Variants in SYT1 observed in about 807,000 individuals in gnomAD.
The protein encoded by SYT1 is synaptotagmin-1.
A neutral mutation model predicts 44.8 loss-of-function variants in SYT1; 8 were observed. That is an observed-to-expected ratio of 0.18 (90% CI 0.10 to 0.32). SYT1 has a LOEUF of 0.32. SYT1 is among the 10% of genes least tolerant of loss of function. SYT1 has a pLI of 1.00. For synonymous variants in SYT1, 154 were observed against 188.8 expected, an observed-to-expected ratio of 0.82 and a Z score of 1.51; for missense variants, 286 against 509.3, an observed-to-expected ratio of 0.56 and a Z score of 4.22.
chr12:79,188,533 G>A (rs1872929576), intron 3 of SYT1, among the ~76,000 whole-genome samples: 1 of 152,040 alleles, frequency 6.6e-6, no homozygotes, highest in East Asian at 1.9e-4. Flanking sequence ...TCCTCATGGA[G>A]TTGGAAAAGC....
intron 1 of SYT1, among the ~76,000 whole-genome samples, chr12:78,946,509 G>A (rs1878663839): frequency 6.6e-6 from 1 of 151,866 alleles, no homozygotes; most frequent in African/African-American, 2.4e-5. Flanking sequence ...ACAGAAATTA[G>A]CCAGGTGTGG....
Position 79,332,649 on chromosome 12 carries a change from G to A in SYT1, c.811-20853G>A, listed in dbSNP as rs1881906540. 3.3e-5 allele frequency among the ~76,000 whole-genome samples: 5 copies of A among 152,292 alleles called. 1 individual carries two copies. In the South Asian group the frequency reaches 1.0e-3, roughly 32 times the overall value. On this transcript the variant is annotated intron_variant, in intron 8 of 10. Coordinates refer to ENST00000261205, the MANE Select transcript of SYT1 (RefSeq NM_005639.3). ...GGACATCTTCACTAAGAAAGTATGA[G>A]TTTAATGTAGATATTGTGGGAGGTA...
At chr12:79,181,260 G>A (rs1315318583) in intron 3 of SYT1, among the ~76,000 whole-genome samples, 1 of 151,982 alleles carries the variant, frequency 6.6e-6, no homozygotes, top group Non-Finnish European at 1.5e-5. Flanking sequence ...AGGTTCAAAT[G>A]ATATCAGTAT....
chr12:79,432,170 A>G (rs1353557909), intron 9 of SYT1, among the ~76,000 whole-genome samples: 2 of 152,038 alleles, frequency 1.3e-5, no homozygotes, highest in African/African-American at 2.4e-5. Context: ...ATAAAATTTC[A>G]AACCAGATAT....
chr12:79,132,674 CAAAAAAAAAA>C (rs71091641), intron 3 of SYT1, among the ~76,000 whole-genome samples: 4 of 43,714 alleles, frequency 9.2e-5, no homozygotes, highest in Non-Finnish European at 8.6e-5. Flanking sequence ...GGAGTTTTCT[CAAAAAAAAAA>C]AAAAAAAAAA....
intron 9 of SYT1, among the ~76,000 whole-genome samples, chr12:79,427,666 A>G (rs1311941259): frequency 6.6e-6 from 1 of 152,184 alleles, no homozygotes; most frequent in Non-Finnish European, 1.5e-5. Context: ...TGAATAAATG[A>G]TGTTGGAGCT....
At chr12:79,286,974 T>C (rs1003120293) in intron 5 of SYT1, among the ~76,000 whole-genome samples, 23 of 152,202 alleles carry the variant, frequency 1.5e-4, no homozygotes, top group African/African-American at 5.3e-4. Context: ...TTAATTACTA[T>C]TAATCAAACT....
chr12:79,088,756 G>GTGTGTGTGTGTGTGTGTA (rs1877566062), intron 3 of SYT1, among the ~76,000 whole-genome samples: 2 of 150,574 alleles, frequency 1.3e-5, no homozygotes, highest in African/African-American at 4.9e-5. Context: ...GTGTGTGTGT[G>GTGTGTGTGTGTGTGTGTA]TGTGTGTGTG....
intron 1 of SYT1, among the ~76,000 whole-genome samples, chr12:78,946,758 T>C (rs940353092): frequency 6.6e-6 from 1 of 152,076 alleles, no homozygotes; most frequent in Non-Finnish European, 1.5e-5. Context: ...GAGCAATTCT[T>C]AAACCCACTA....
At chr12:79,272,134 AAAAG>A (rs1878459791) in intron 4 of SYT1, among the ~76,000 whole-genome samples, 1 of 152,224 alleles carries the variant, frequency 6.6e-6, no homozygotes, top group Admixed American at 6.5e-5. Context: ...AGCATTTGAA[AAAAG>A]AAAGAATGCA....
At chr12:79,208,161 A>G (rs1874235263) in intron 3 of SYT1, among the ~76,000 whole-genome samples, 1 of 152,162 alleles carries the variant, frequency 6.6e-6, no homozygotes, top group Non-Finnish European at 1.5e-5. Context: ...TGGAAATCAG[A>G]GTCATGTTCC....
At chr12:78,943,840 G>C (rs1217272091) in intron 1 of SYT1, among the ~76,000 whole-genome samples, 1 of 152,070 alleles carries the variant, frequency 6.6e-6, no homozygotes, top group Non-Finnish European at 1.5e-5. Flanking sequence ...ATATTTCCCT[G>C]ATAAAATGAC....
At chr12:79,082,911 G>T (rs1877131897) in intron 3 of SYT1, among the ~76,000 whole-genome samples, 3 of 151,854 alleles carry the variant, frequency 2.0e-5, no homozygotes, top group African/African-American at 7.3e-5. Flanking sequence ...GCTTTGAGTA[G>T]CTTCCAGGTA....
At chr12:78,905,061 C>A (rs749256463) in intron 1 of SYT1, among the ~76,000 whole-genome samples, 14 of 152,010 alleles carry the variant, frequency 9.2e-5, no homozygotes, top group Admixed American at 3.3e-4. Flanking sequence ...TGTTATTGTT[C>A]TTACCTGAAT....
intron 8 of SYT1, among the ~76,000 whole-genome samples, chr12:79,349,681 A>G (rs1882803556): frequency 6.6e-6 from 1 of 152,146 alleles, no homozygotes; most frequent in African/African-American, 2.4e-5. Context: ...TTTCTTTGCA[A>G]ATTTTCCAAG....
chr12:79,097,306 C>A (rs1344084764), intron 3 of SYT1, among the ~76,000 whole-genome samples: 3 of 151,976 alleles, frequency 2.0e-5, no homozygotes, highest in Non-Finnish European at 2.9e-5. Flanking sequence ...CCTGAATAGG[C>A]CTAGTCCGTC....
At chr12:79,155,002 C>A (rs1228852406) in intron 3 of SYT1, among the ~76,000 whole-genome samples, 1 of 152,118 alleles carries the variant, frequency 6.6e-6, no homozygotes, top group Non-Finnish European at 1.5e-5. Flanking sequence ...CTCTTCTAAG[C>A]TCTTAAGCTC....
intron 1 of SYT1, among the ~76,000 whole-genome samples, chr12:78,866,695 T>C (rs1191931015): frequency 6.6e-6 from 1 of 152,188 alleles, no homozygotes; most frequent in Non-Finnish European, 1.5e-5. Flanking sequence ...AAGTGGGTCT[T>C]ACCTGAACAC....
Position 79,320,648 on chromosome 12 carries a change from C to CTTTT in SYT1, c.810+21115_810+21118dup, listed in dbSNP as rs746685561. Reference sequence around the variant, plus strand: ...TAATTTATCTTTTTTTCTTTTTCCCCTTTTTTTTTTTTTTTTTTTTTGAGA... The same window carrying CTTTT: ...TAATTTATCTTTTTTTCTTTTTCCCCTTTTTTTTTTTTTTTTTTTTTTTTTGAGA... On this transcript the variant is annotated intron_variant, in intron 8 of 10. Transcript: ENST00000261205. Among the ~76,000 whole-genome samples, 22 of 128,734 alleles carry CTTTT rather than the reference C, an allele frequency of 1.7e-4. 1 individual carries two copies. Among genetic ancestry groups the CTTTT allele is most frequent in the African/African-American group, 2.4e-4 (8 of 33,778 alleles). 84.5% of individuals were successfully genotyped at this position (128,734 alleles called of 152,430 possible). A position where few individuals can be genotyped will look rare whatever the true frequency, so the allele number is the denominator to read the frequency against.
Sources: allele counts gnomAD v4.1 joint callset (sites outside exome capture counted in the v4.1 genomes callset), GRCh38; gene constraint gnomAD v4.1.1; transcripts MANE v1.5; gene names NCBI Gene and HGNC (gene_info 2026-07-23, HGNC 2026-07-21).